Variants in EXD3 observed in about 807,000 individuals in gnomAD.
The protein encoded by EXD3 is exonuclease 3'-5' domain containing 3.
In EXD3, 92 loss-of-function variants were observed where a neutral mutation model predicts 98.0. That is an observed-to-expected ratio of 0.94 (90% CI 0.79 to 1.12). The LOEUF (loss-of-function observed/expected upper bound fraction) is 1.12, where lower values mean the gene tolerates loss of function less well. EXD3 is among the 50% of genes most tolerant of loss of function. The probability of loss-of-function intolerance (pLI) is 0.00; values close to 1 mark genes in which losing one functional copy is unlikely to be tolerated. For missense variants in EXD3, 1,222 were observed against 1,191.6 expected (o/e 1.03, Z -0.38); for synonymous variants, 569 against 526.0 (o/e 1.08, Z -1.12).
At chr9:137,408,609 C>T (rs56183481) in intron 1 of EXD3, among the ~76,000 whole-genome samples, 1 of 150,922 alleles carries the variant, frequency 6.6e-6, no homozygotes, top group Non-Finnish European at 1.5e-5. Flanking sequence ...CCCCACACCT[C>T]CCCCCAGCTG....
chr9:137,316,698 G>C (rs1330058780), intron 19 of EXD3, among the ~76,000 whole-genome samples: 1 of 152,232 alleles, frequency 6.6e-6, no homozygotes, highest in Non-Finnish European at 1.5e-5. Context: ...GGCTGCAGGG[G>C]CTGGGGGACA....
At chr9:137,406,209 C>T (rs1448869420) in intron 1 of EXD3, among the ~76,000 whole-genome samples, 1 of 138,572 alleles carries the variant, frequency 7.2e-6, no homozygotes, top group Non-Finnish European at 1.5e-5. Flanking sequence ...GAGCAAGACC[C>T]TGTTTCCAAA....
chr9:137,412,179 C>A (rs1406093469), intron 1 of EXD3, among the ~76,000 whole-genome samples: 1 of 152,164 alleles, frequency 6.6e-6, no homozygotes, highest in African/African-American at 2.4e-5. Context: ...AGCGAGTGGG[C>A]GGGCAACACT....
intron 9 of EXD3, 63 bp downstream of exon 9, chr9:137,354,637 A>C (rs1391817972): frequency 6.2e-7 from 1 of 1,600,516 alleles, no homozygotes; most frequent in South Asian, 1.1e-5. Flanking sequence ...TGAGTATCCC[A>C]GGCCAAACTC....
chr9:137,412,155 G>C, intron 1 of EXD3, among the ~76,000 whole-genome samples: 1 of 152,210 alleles, frequency 6.6e-6, no homozygotes, highest in East Asian at 1.9e-4. Context: ...GCTGGAGGCC[G>C]GCCTGAGACC....
intron 1 of EXD3, among the ~76,000 whole-genome samples, chr9:137,406,152 G>A (rs1435185572): frequency 6.6e-6 from 1 of 151,612 alleles, no homozygotes; most frequent in African/African-American, 2.4e-5. Flanking sequence ...GGAGGTCAAG[G>A]CTGCGGTGAC....
intron 21 of EXD3, 27 bp downstream of exon 21, chr9:137,307,581 T>G (rs1298397741): frequency 6.2e-7 from 1 of 1,608,336 alleles, no homozygotes; most frequent in African/African-American, 1.3e-5. Context: ...AGCAGCTGTG[T>G]CCTTGGTGGG....
chr9:137,336,490 A>G (rs952590432), intron 17 of EXD3, among the ~76,000 whole-genome samples: 1 of 151,996 alleles, frequency 6.6e-6, no homozygotes, highest in Non-Finnish European at 1.5e-5. Flanking sequence ...GCGAAACCTC[A>G]TATCTACTAA....
intron 17 of EXD3, among the ~76,000 whole-genome samples, chr9:137,338,499 A>T (rs1233372404): frequency 1.3e-5 from 2 of 152,100 alleles, no homozygotes; most frequent in East Asian, 3.8e-4. Context: ...AAGCAAAAGG[A>T]AGGAAATTAT....
chr9:137,323,976 A>G, intron 18 of EXD3, 114 bp downstream of exon 18: 1 of 1,528,434 alleles, frequency 6.5e-7, no homozygotes, highest in African/African-American at 1.4e-5. Flanking sequence ...GGTACGGCAG[A>G]GGCGCTGGGG....
chr9:137,383,227 G>C (rs1378139659), intron 3 of EXD3, 86 bp downstream of exon 3: 1 of 1,133,866 alleles, frequency 8.8e-7, no homozygotes, highest in Non-Finnish European at 1.3e-6. Flanking sequence ...TCCTGACCAG[G>C]GAGGCCTCCT....
intron 1 of EXD3, among the ~76,000 whole-genome samples, chr9:137,422,403 C>T (rs1838573540): frequency 6.6e-6 from 1 of 152,148 alleles, no homozygotes; most frequent in African/African-American, 2.4e-5. Flanking sequence ...CACTACCCCT[C>T]GAGCCAAGTA....
intron 5 of EXD3, among the ~76,000 whole-genome samples, chr9:137,369,793 C>T (rs1322939440): frequency 2.0e-5 from 3 of 152,214 alleles, no homozygotes; most frequent in Admixed American, 6.5e-5. Context: ...GCTGCGACCC[C>T]GTCAGAGGCA....
chr9:137,358,366 C>T (rs543964491), intron 7 of EXD3, among the ~76,000 whole-genome samples: 1 of 152,316 alleles, frequency 6.6e-6, no homozygotes, highest in East Asian at 1.9e-4. Flanking sequence ...CCAGCCCTGT[C>T]CTCAGCTGTG....
rs534061649 is a variant in EXD3, at chr9:137,340,836, C to G, written c.1998+7235G>C. On this transcript the variant is annotated intron_variant, in intron 17 of 21. Coordinates refer to ENST00000340951, the MANE Select transcript of EXD3 (RefSeq NM_017820.5). ...CCTGGCCTCAATGTCTTAAATATGTCATTTTTCCCTAAATTGATTTATAGA... is the reference window on the plus strand; with the variant it reads ...CCTGGCCTCAATGTCTTAAATATGTGATTTTTCCCTAAATTGATTTATAGA... Among the ~76,000 whole-genome samples the G allele has an allele frequency of 9.0e-4, 137 of 152,294 alleles. 1 individual carries two copies. Among genetic ancestry groups the G allele is most frequent in the Non-Finnish European group, 1.7e-3 (116 of 68,022 alleles).
chr9:137,330,523 CACAGGAGCTAT>C lies in EXD3; in HGVS notation c.1999-6391_1999-6381del, dbSNP rs1484042379. 4.2e-5 allele frequency among the ~76,000 whole-genome samples: 6 copies of C among 142,414 alleles called. 1 individual carries two copies. The highest frequency in any genetic ancestry group is 6.1e-5 in the Non-Finnish European group (4 of 66,112). 93.4% of individuals were successfully genotyped at this position (142,414 alleles called of 152,430 possible). On this transcript the variant is annotated intron_variant, in intron 17 of 21. Coordinates refer to ENST00000340951, the MANE Select transcript of EXD3 (RefSeq NM_017820.5). Reference sequence around the variant, plus strand: ...AGCTACACAGGACTACGCAGGACCACACAGGAGCTATACAGGAGCTACACAGGAGCTACACA... The same window carrying C: ...AGCTACACAGGACTACGCAGGACCACACAGGAGCTACACAGGAGCTACACA...
At chr9:137,397,315 T>A (rs1406073292) in intron 1 of EXD3, among the ~76,000 whole-genome samples, 2 of 152,088 alleles carry the variant, frequency 1.3e-5, no homozygotes, top group Admixed American at 6.5e-5. Flanking sequence ...CCACCCAGCT[T>A]AGGAGGCTTG....
At chr9:137,367,757 G>A in intron 6 of EXD3, 179 bp downstream of exon 6, 1 of 593,704 alleles carries the variant, frequency 1.7e-6, no homozygotes, top group South Asian at 2.0e-5. Context: ...CTGATTTGGG[G>A]TCAGCCCATG....
At chr9:137,384,082 C>T (rs1196154052) in intron 2 of EXD3, among the ~76,000 whole-genome samples, 1 of 152,158 alleles carries the variant, frequency 6.6e-6, no homozygotes, top group Non-Finnish European at 1.5e-5. Flanking sequence ...AGGGACTCCA[C>T]AGGGGAGGCC....
Sources: gnomAD v4.1 joint callset for allele counts (sites outside exome capture counted in the v4.1 genomes callset) on GRCh38, gnomAD v4.1.1 for gene constraint, MANE v1.5 for transcripts, NCBI Gene and HGNC (gene_info 2026-07-23, HGNC 2026-07-21) for gene names.